The following SNTG1 variants were observed in gnomAD, a reference collection of about 807,000 sequenced individuals.
SNTG1 encodes gamma-1-syntrophin.
In SNTG1, 39 loss-of-function variants were observed where a neutral mutation model predicts 74.7. That is an observed-to-expected ratio of 0.52 (90% confidence interval 0.40 to 0.68). SNTG1 has a LOEUF of 0.68. Among genes scored for constraint, SNTG1 ranks in the 30% least tolerant of loss-of-function variants. SNTG1 has a pLI of 0.00. For missense variants in SNTG1, 685 were observed against 609.5 expected (o/e 1.12, Z -1.30); for synonymous variants, 254 against 217.1 (o/e 1.17, Z -1.49).
chr8:50,201,490 T>C (rs776553572), intron 2 of SNTG1, among the ~76,000 whole-genome samples: 5 of 152,156 alleles, frequency 3.3e-5, no homozygotes, highest in Non-Finnish European at 7.4e-5. Context: ...TTAACTAAAG[T>C]CCATGGCACA....
chr8:50,598,494 C>T (rs150995615), intron 13 of SNTG1, among the ~76,000 whole-genome samples: 1,906 of 151,904 alleles, frequency 0.013, 45 homozygotes, highest in African/African-American at 0.042. Context: ...TTGTAGTATA[C>T]TTTTAAAGTC....
intron 2 of SNTG1, among the ~76,000 whole-genome samples, chr8:50,250,788 G>A (rs141138740): frequency 5.5e-4 from 84 of 152,026 alleles, no homozygotes; most frequent in African/African-American, 1.3e-3. Flanking sequence ...AAAGACCTTC[G>A]CAGACAAGCA....
chr8:50,643,663 C>G (rs2095088304), intron 13 of SNTG1, among the ~76,000 whole-genome samples: 1 of 152,172 alleles, frequency 6.6e-6, no homozygotes, highest in Non-Finnish European at 1.5e-5. Context: ...TAAGATTCCT[C>G]TTACAGAAAT....
At chr8:50,077,388 ATACTT>A (rs945402016) in intron 1 of SNTG1, among the ~76,000 whole-genome samples, 2 of 152,198 alleles carry the variant, frequency 1.3e-5, no homozygotes, top group African/African-American at 4.8e-5. Context: ...TAAGAGCTAA[ATACTT>A]TATCTTCTTC....
At chr8:49,953,793 A>G (rs1297984323) in intron 1 of SNTG1, among the ~76,000 whole-genome samples, 1 of 152,164 alleles carries the variant, frequency 6.6e-6, no homozygotes, top group Non-Finnish European at 1.5e-5. Flanking sequence ...TCAGAAAAAT[A>G]AAACCAGTTT....
chr8:50,029,934 A>G (rs1585967420), intron 1 of SNTG1, among the ~76,000 whole-genome samples: 1 of 152,120 alleles, frequency 6.6e-6, no homozygotes, highest in South Asian at 2.1e-4. Context: ...ACTATTCTCC[A>G]TAGTGGCTGT....
chr8:50,484,757 G>T (rs2093775571), intron 8 of SNTG1, among the ~76,000 whole-genome samples: 1 of 148,866 alleles, frequency 6.7e-6, no homozygotes, highest in African/African-American at 2.6e-5. Flanking sequence ...TACTTGGGAG[G>T]CTGAGACAGG....
At chr8:50,079,775 C>T (rs548476461) in intron 1 of SNTG1, among the ~76,000 whole-genome samples, 212 of 152,188 alleles carry the variant, frequency 1.4e-3, no homozygotes, top group Non-Finnish European at 1.5e-3. Context: ...TCTGTTTTCT[C>T]CATATGGCTA....
At chr8:49,962,352 G>A (rs985726742) in intron 1 of SNTG1, among the ~76,000 whole-genome samples, 1 of 151,476 alleles carries the variant, frequency 6.6e-6, no homozygotes, top group Non-Finnish European at 1.5e-5. Context: ...ATAAGATGCT[G>A]CAGTTCAAAT....
At chr8:50,127,628 A>G (rs909285154) in intron 1 of SNTG1, among the ~76,000 whole-genome samples, 9 of 152,270 alleles carry the variant, frequency 5.9e-5, no homozygotes, top group African/African-American at 2.2e-4. Flanking sequence ...TTGCACAGAT[A>G]GAAACATTCA....
At chr8:49,945,577 C>G (rs776134118) in intron 1 of SNTG1, among the ~76,000 whole-genome samples, 2 of 152,120 alleles carry the variant, frequency 1.3e-5, no homozygotes, top group African/African-American at 4.8e-5. Flanking sequence ...AGCAGATGAC[C>G]CGTGTTCAGC....
At chr8:50,273,074 A>G (rs2087877104) in intron 2 of SNTG1, among the ~76,000 whole-genome samples, 1 of 152,158 alleles carries the variant, frequency 6.6e-6, no homozygotes, top group African/African-American at 2.4e-5. Flanking sequence ...TATAATTACA[A>G]ATAAGAAATA....
intron 2 of SNTG1, among the ~76,000 whole-genome samples, chr8:50,262,396 C>T (rs1050280138): frequency 6.6e-6 from 1 of 151,938 alleles, no homozygotes; most frequent in Non-Finnish European, 1.5e-5. Flanking sequence ...ATCAGCAAAC[C>T]AACATCTGTT....
chr8:50,505,033 T>G (rs1417125124), intron 9 of SNTG1, among the ~76,000 whole-genome samples: 2 of 152,166 alleles, frequency 1.3e-5, no homozygotes, highest in East Asian at 3.9e-4. Flanking sequence ...CATTGTATTT[T>G]GTTTATAAGA....
chr8:50,551,858 T>C (rs114660539), intron 11 of SNTG1, among the ~76,000 whole-genome samples: 2,251 of 152,266 alleles, frequency 0.015, 68 homozygotes, highest in African/African-American at 0.05. Context: ...AAAATATTAA[T>C]AATTTGAACC....
chr8:49,928,391 C>T (rs1428956885), intron 1 of SNTG1, among the ~76,000 whole-genome samples: 1 of 151,788 alleles, frequency 6.6e-6, no homozygotes, highest in Non-Finnish European at 1.5e-5. Context: ...CCACCGTGCC[C>T]AGCCAATTTT....
chr8:50,373,578 A>T (rs2092315500), intron 2 of SNTG1, among the ~76,000 whole-genome samples: 1 of 152,168 alleles, frequency 6.6e-6, no homozygotes, highest in South Asian at 2.1e-4. Context: ...ATAGATAACT[A>T]TTTTTCAGGA....
chr8:50,054,551 C>G (rs1819864030), intron 1 of SNTG1, among the ~76,000 whole-genome samples: 1 of 152,046 alleles, frequency 6.6e-6, no homozygotes, highest in South Asian at 2.1e-4. Context: ...ATACTGTTGC[C>G]AAAATGTTCC....
intron 13 of SNTG1, among the ~76,000 whole-genome samples, chr8:50,602,285 T>C (rs993064700): frequency 6.6e-6 from 1 of 152,128 alleles, no homozygotes; most frequent in Non-Finnish European, 1.5e-5. Flanking sequence ...GTATCCATTG[T>C]ATGGTTTTCA....
Sources: gnomAD v4.1 joint callset for allele counts (sites outside exome capture counted in the v4.1 genomes callset) on GRCh38, gnomAD v4.1.1 for gene constraint, MANE v1.5 for transcripts, NCBI Gene and HGNC (gene_info 2026-07-23, HGNC 2026-07-21) for gene names.